Variants in GALNT1 observed in about 807,000 individuals in gnomAD.
GALNT1 encodes the protein polypeptide N-acetylgalactosaminyltransferase 1.
In GALNT1, 17 loss-of-function variants were observed where a neutral mutation model predicts 65.7. That is an observed-to-expected ratio of 0.26 (90% CI 0.18 to 0.39). The LOEUF (loss-of-function observed/expected upper bound fraction) is 0.39, where lower values mean the gene tolerates loss of function less well. GALNT1 is among the 10% of genes least tolerant of loss of function. GALNT1 has a pLI of 1.00. For synonymous variants in GALNT1, 210 were observed against 219.7 expected (o/e 0.96, Z 0.39); for missense variants, 460 against 672.8 (o/e 0.68, Z 3.50).
rs770359136 is a variant in GALNT1, at chr18:35,703,460, GCTGA to G, written c.1399-46_1399-43del. The G allele has an allele frequency of 1.5e-4, 234 of 1,561,612 alleles. 1 individual carries two copies. The highest frequency in any genetic ancestry group is 1.7e-4 in the Admixed American group (10 of 57,340). On this transcript the variant is annotated intron_variant, in intron 10 of 11. Transcript: ENST00000269195. ...TGACAGCTAATTGGGCATTTAAAAT[GCTGA>G]CTAATTTATTTTTTCTGTTTATGTG...
In GALNT1 at chr18:35,702,457, C is replaced by G. The variant is rs77060038; in HGVS notation, c.1300-440C>G. ...GTGAAAGAGTAGAGTTTGTACCACA[C>G]TATGCTTAAGCTTCCAGGTAAGACA... On this transcript the variant is annotated intron_variant, in intron 9 of 11. Coordinates refer to ENST00000269195, the MANE Select transcript of GALNT1 (RefSeq NM_020474.4). 5.6e-3 allele frequency among the ~76,000 whole-genome samples: 858 copies of G among 152,286 alleles called. 19 individuals carry two copies. In the East Asian group the frequency reaches 0.064, roughly 11 times the overall value.
chr18:35,641,577 G>C, intron 1 of GALNT1, among the ~76,000 whole-genome samples: 1 of 152,144 alleles, frequency 6.6e-6, no homozygotes, highest in South Asian at 2.1e-4. Flanking sequence ...TTAGAGAAGA[G>C]GAAATGGAAT....
chr18:35,632,359 C>T (rs1247191737), intron 1 of GALNT1, among the ~76,000 whole-genome samples: 2 of 152,026 alleles, frequency 1.3e-5, no homozygotes, highest in Non-Finnish European at 2.9e-5. Flanking sequence ...GAGATATAGA[C>T]CAATGGAACA....
intron 1 of GALNT1, among the ~76,000 whole-genome samples, chr18:35,585,023 A>G (rs1484757123): frequency 6.6e-6 from 1 of 152,250 alleles, no homozygotes; most frequent in African/African-American, 2.4e-5. Flanking sequence ...AAATAAGTAC[A>G]TAAATACAAT....
chr18:35,694,518 G>A (rs60815098), intron 9 of GALNT1, among the ~76,000 whole-genome samples: 12,437 of 152,200 alleles, frequency 0.082, 564 homozygotes, highest in African/African-American at 0.12. Flanking sequence ...ATAGTATGGA[G>A]GTTTCTCAAA....
intron 1 of GALNT1, among the ~76,000 whole-genome samples, chr18:35,629,218 G>A (rs981654922): frequency 3.9e-5 from 6 of 152,050 alleles, no homozygotes; most frequent in Non-Finnish European, 7.4e-5. Flanking sequence ...TACAGAGAAC[G>A]CCACAAAGAT....
chr18:35,594,424 A>G (rs1008135331), intron 1 of GALNT1, among the ~76,000 whole-genome samples: 1 of 151,990 alleles, frequency 6.6e-6, no homozygotes, highest in African/African-American at 2.4e-5. Flanking sequence ...GGGAAGGTAG[A>G]GGGTGAGAGA....
At chr18:35,674,117 C>T (rs2047672964) in intron 3 of GALNT1, among the ~76,000 whole-genome samples, 1 of 152,270 alleles carries the variant, frequency 6.6e-6, no homozygotes, top group Admixed American at 6.5e-5. Flanking sequence ...GTATAGGGCA[C>T]TTACCATGAA....
At position 35,691,202 on chromosome 18, in the gene GALNT1, GTT is replaced by G; in HGVS notation, c.1159+13_1159+14del. 1 of 1,589,036 alleles carries G rather than the reference GTT, an allele frequency of 6.3e-7. No individual in the cohort carries two copies. Among genetic ancestry groups the G allele is most frequent in the South Asian group, 1.2e-5 (1 of 86,258 alleles). On this transcript the variant is annotated intron_variant, in intron 8 of 11. Transcript: ENST00000269195. ...TATATAATTTCTCCAGGTTAGCGTT[GTT>G]TTGCATTAGAAATACAAGGCTGTAC... is the stretch of plus-strand genomic sequence containing the variant.
At chr18:35,616,587 TC>T (rs1345855361) in intron 1 of GALNT1, among the ~76,000 whole-genome samples, 1 of 152,144 alleles carries the variant, frequency 6.6e-6, no homozygotes, top group African/African-American at 2.4e-5. Context: ...TCACCTGAAG[TC>T]TTGAGTAATG....
At chr18:35,596,532 T>C (rs1477407685) in intron 1 of GALNT1, 1 of 152,238 alleles carries the variant, frequency 6.6e-6, no homozygotes, top group Non-Finnish European at 1.5e-5. Context: ...TGGTTCTTCG[T>C]GAAAGGTCTC....
chr18:35,634,206 A>G (rs2047060098), intron 1 of GALNT1, among the ~76,000 whole-genome samples: 1 of 152,140 alleles, frequency 6.6e-6, no homozygotes, highest in Non-Finnish European at 1.5e-5. Context: ...TATAAGGAAA[A>G]TATGTTTTTC....
At position 35,662,329 on chromosome 18, in the gene GALNT1, C is replaced by G. The variant is rs146328506; in HGVS notation, c.140-1299C>G. Among the ~76,000 whole-genome samples, 8 of 152,306 alleles carry G rather than the reference C, an allele frequency of 5.3e-5. No homozygotes were observed. In the South Asian group the frequency reaches 8.3e-4, roughly 16 times the overall value. On this transcript the variant is annotated intron_variant, in intron 2 of 11. Transcript: ENST00000269195. ...CTATAATTTTTAAAGTAATTTTCTA[C>G]TATTTTAATGTTCCACATAAAATCC...
chr18:35,645,181 C>G (rs911653133), intron 1 of GALNT1, among the ~76,000 whole-genome samples: 1 of 150,032 alleles, frequency 6.7e-6, no homozygotes. Context: ...TTTTCTTCAC[C>G]TCTTGCACCT....
intron 1 of GALNT1, among the ~76,000 whole-genome samples, chr18:35,644,632 T>G (rs2047206308): frequency 6.6e-6 from 1 of 152,242 alleles, no homozygotes; most frequent in South Asian, 2.1e-4. Flanking sequence ...TAGCATCTTT[T>G]TAGTTTTTCA....
chr18:35,607,880 T>C (rs1015122893), intron 1 of GALNT1, among the ~76,000 whole-genome samples: 2 of 152,162 alleles, frequency 1.3e-5, no homozygotes, highest in African/African-American at 4.8e-5. Flanking sequence ...TAGTGGTCCA[T>C]GTACCTAGCA....
At chr18:35,641,130 A>T (rs1450265061) in intron 1 of GALNT1, among the ~76,000 whole-genome samples, 1 of 152,140 alleles carries the variant, frequency 6.6e-6, no homozygotes, top group African/African-American at 2.4e-5. Flanking sequence ...CCAGACAAAG[A>T]TACTTCTTTT....
intron 1 of GALNT1, among the ~76,000 whole-genome samples, chr18:35,608,024 A>T (rs1439310091): frequency 6.6e-6 from 1 of 151,932 alleles, no homozygotes; most frequent in Non-Finnish European, 1.5e-5. Context: ...AAAAATAGGG[A>T]TTTGGGGGAA....
chr18:35,599,937 T>C (rs2046560651), intron 1 of GALNT1, among the ~76,000 whole-genome samples: 1 of 152,236 alleles, frequency 6.6e-6, no homozygotes, highest in Non-Finnish European at 1.5e-5. Context: ...GGCTTTCTAA[T>C]ACATTTTGAA....
Sources: gnomAD v4.1 joint callset for allele counts (sites outside exome capture counted in the v4.1 genomes callset) on GRCh38, gnomAD v4.1.1 for gene constraint, MANE v1.5 for transcripts, NCBI Gene and HGNC (gene_info 2026-07-23, HGNC 2026-07-21) for gene names.